TMEM74: variants seen among roughly 807,000 people sequenced by gnomAD.
TMEM74 encodes the protein transmembrane protein 74.
TMEM74 carries 13 observed loss-of-function variants against 18.1 expected under a neutral mutation model. The observed-to-expected ratio is 0.72, with a 90% CI of 0.47 to 1.14. The LOEUF (loss-of-function observed/expected upper bound fraction) is 1.14, where lower values mean the gene tolerates loss of function less well. Among genes scored for constraint, TMEM74 ranks in the 50% most tolerant of loss-of-function variants. The pLI is 0.00. For synonymous variants in TMEM74, 159 were observed against 146.6 expected (o/e 1.08, Z -0.61); for missense variants, 372 against 375.9 (o/e 0.99, Z 0.09).
At chr8:108,775,065 T>C (rs768986967), downstream of TMEM74, among the ~76,000 whole-genome samples, 9 of 152,194 alleles carry the variant, frequency 5.9e-5, no homozygotes, top group Non-Finnish European at 1.2e-4. Context: ...GAAGATATGT[T>C]ACACCTCACA....
chr8:108,683,043 C>T (rs1001076434), intron 1 of TMEM74, among the ~76,000 whole-genome samples: 1 of 151,296 alleles, frequency 6.6e-6, no homozygotes, highest in African/African-American at 2.4e-5. Flanking sequence ...AAATAACTTG[C>T]CAAAAATAAT....
intron 1 of TMEM74, among the ~76,000 whole-genome samples, chr8:108,755,682 T>C (rs1024105644): frequency 4.6e-5 from 7 of 152,072 alleles, no homozygotes. Context: ...AAGAAATGAT[T>C]GTGAATTCTG....
chr8:108,774,583 C>T (rs547984539), downstream of TMEM74, among the ~76,000 whole-genome samples: 1 of 152,228 alleles, frequency 6.6e-6, no homozygotes, highest in Non-Finnish European at 1.5e-5. Flanking sequence ...AGGTAACTCA[C>T]GTCACTTTGC....
intron 1 of TMEM74, among the ~76,000 whole-genome samples, chr8:108,693,123 GC>G (rs1352326270): frequency 6.6e-6 from 1 of 152,164 alleles, no homozygotes; most frequent in Non-Finnish European, 1.5e-5. Flanking sequence ...TTGTAAAGGT[GC>G]TGAGATGAAG....
At chr8:108,669,983 A>C (rs748181523) in intron 1 of TMEM74, among the ~76,000 whole-genome samples, 1 of 144,848 alleles carries the variant, frequency 6.9e-6, no homozygotes, top group African/African-American at 2.6e-5. Context: ...GGTTACAGTG[A>C]GCCGAGATTG....
intron 1 of TMEM74, among the ~76,000 whole-genome samples, chr8:108,765,844 G>A (rs564520055): frequency 6.6e-6 from 1 of 152,030 alleles, no homozygotes; most frequent in East Asian, 1.9e-4. Context: ...ATGGAATGAT[G>A]TATCCTTATC....
intron 1 of TMEM74, among the ~76,000 whole-genome samples, chr8:108,659,340 T>C (rs886791666): frequency 6.6e-6 from 1 of 151,958 alleles, no homozygotes; most frequent in African/African-American, 2.4e-5. Flanking sequence ...TGCTGACTCC[T>C]GTCCAATGTC....
chr8:108,705,265 C>T (rs188274331), intron 1 of TMEM74, among the ~76,000 whole-genome samples: 170 of 152,224 alleles, frequency 1.1e-3, no homozygotes, highest in Middle Eastern at 6.8e-3. Flanking sequence ...TGGAAGTCAA[C>T]GAACTTGATG....
chr8:108,704,580 G>C (rs1351009506), intron 1 of TMEM74, among the ~76,000 whole-genome samples: 1 of 152,132 alleles, frequency 6.6e-6, no homozygotes, highest in Non-Finnish European at 1.5e-5. Flanking sequence ...CATTCATTCA[G>C]TAAAAATATA....
At chr8:108,662,865 C>T (rs561980010) in intron 1 of TMEM74, among the ~76,000 whole-genome samples, 26 of 152,082 alleles carry the variant, frequency 1.7e-4, no homozygotes, top group Non-Finnish European at 3.7e-4. Context: ...TCTGTGTTCC[C>T]ACAGTACTCT....
chr8:108,748,686 T>TC (rs1813875630), intron 1 of TMEM74, among the ~76,000 whole-genome samples: 1 of 144,932 alleles, frequency 6.9e-6, no homozygotes. Context: ...TTCTAGGGTT[T>TC]TTTTTTTTTT....
At chr8:108,705,978 C>G (rs944612055) in intron 1 of TMEM74, among the ~76,000 whole-genome samples, 1 of 152,182 alleles carries the variant, frequency 6.6e-6, no homozygotes, top group Non-Finnish European at 1.5e-5. Context: ...AAATTCCAAA[C>G]AGCAGAGCCC....
intron 1 of TMEM74, among the ~76,000 whole-genome samples, chr8:108,720,754 ATTAGTTT>A (rs869159242): frequency 5.9e-4 from 15 of 25,482 alleles, no homozygotes; most frequent in African/African-American, 1.2e-3. Context: ...TTATTTATTT[ATTAGTTT>A]GTTTGTTTGT....
chr8:108,755,988 A>G (rs1813956000), intron 1 of TMEM74, among the ~76,000 whole-genome samples: 1 of 152,032 alleles, frequency 6.6e-6, no homozygotes, highest in African/African-American at 2.4e-5. Context: ...TGCCATTCCC[A>G]GAATCAAGGA....
chr8:108,635,614 A>G (rs1158531325), intron 2 of TMEM74, among the ~76,000 whole-genome samples: 1 of 152,032 alleles, frequency 6.6e-6, no homozygotes, highest in Non-Finnish European at 1.5e-5. Context: ...TTTATTTTTA[A>G]TATCATATCT....
chr8:108,679,367 G>A (rs1325711661), intron 1 of TMEM74, among the ~76,000 whole-genome samples: 1 of 152,194 alleles, frequency 6.6e-6, no homozygotes, highest in Non-Finnish European at 1.5e-5. Context: ...CCCACCAACA[G>A]TGTAAAAGTG....
intron 1 of TMEM74, among the ~76,000 whole-genome samples, chr8:108,786,942 G>A (rs987161222): frequency 3.7e-4 from 57 of 152,142 alleles, no homozygotes; most frequent in Non-Finnish European, 1.5e-4. Context: ...TTCTACCGGA[G>A]GTATGCTAGC....
chr8:108,630,219 A>G (rs977469388), intron 2 of TMEM74, among the ~76,000 whole-genome samples: 2 of 152,162 alleles, frequency 1.3e-5, no homozygotes, highest in South Asian at 2.1e-4. Flanking sequence ...TAAACCAACA[A>G]AGATCAAAAT....
chr8:108,647,098 T>C (rs1812727725), intron 2 of TMEM74, among the ~76,000 whole-genome samples: 1 of 152,174 alleles, frequency 6.6e-6, no homozygotes, highest in African/African-American at 2.4e-5. Flanking sequence ...CTTACTCATG[T>C]TGTGTCTGCA....
Sources: gnomAD v4.1 joint callset for allele counts (sites outside exome capture counted in the v4.1 genomes callset) on GRCh38, gnomAD v4.1.1 for gene constraint, MANE v1.5 for transcripts, NCBI Gene and HGNC (gene_info 2026-07-23, HGNC 2026-07-21) for gene names.